Variants in HIVEP1 observed in about 807,000 individuals in gnomAD.
HIVEP1 encodes the protein zinc finger protein 40.
A neutral mutation model predicts 180.0 loss-of-function variants in HIVEP1; 36 were observed. That is an observed-to-expected ratio of 0.20 (90% CI 0.15 to 0.26). The LOEUF (loss-of-function observed/expected upper bound fraction) is 0.26. Among genes scored for constraint, HIVEP1 ranks in the 10% least tolerant of loss-of-function variants. HIVEP1 has a pLI of 1.00. For missense variants in HIVEP1, 3,143 were observed against 3,268.7 expected (o/e 0.96, Z 0.94); for synonymous variants, 1,239 against 1,239.0 (o/e 1.00, Z 0.00).
At chr6:12,011,488 G>C (rs919098806), upstream of HIVEP1, among the ~76,000 whole-genome samples, 899 of 150,280 alleles carry the variant, frequency 6.0e-3, 11 homozygotes, top group African/African-American at 0.02. Context: ...GACTGGCCGG[G>C]CCCGCCCCTC....
At chr6:12,189,565 A>T in the HIVEP1 span, among the ~76,000 whole-genome samples, 3 of 152,282 alleles carry the variant, frequency 2.0e-5, no homozygotes, top group Admixed American at 2.0e-4. Context: ...GTCAACTGGA[A>T]TTTCTGTACA....
chr6:12,031,629 CAG>C (rs1561869485), intron 2 of HIVEP1, among the ~76,000 whole-genome samples: 1 of 152,152 alleles, frequency 6.6e-6, no homozygotes, highest in Non-Finnish European at 1.5e-5. Context: ...CTGGCACTGA[CAG>C]AACTGGGATA....
At position 12,164,511 on chromosome 6, in the gene HIVEP1, C is replaced by T; in HGVS notation, c.*50C>T. ...TTTTTTATATAACACTTAAAGGTTT[C>T]TTTGAAAACCCTCCTTTCCTTAAAG... is the stretch of plus-strand genomic sequence containing the variant. On this transcript the variant is annotated 3_prime_UTR_variant, in exon 9 of 9. Transcript: ENST00000379388. 7.3e-7 allele frequency: 1 copy of T among 1,373,738 alleles called. No homozygotes were observed. The highest frequency in any genetic ancestry group is 9.9e-7 in the Non-Finnish European group (1 of 1,014,264). 85.1% of individuals were successfully genotyped at this position (1,373,738 alleles called of 1,614,324 possible). A position where few individuals can be genotyped will look rare whatever the true frequency, so the allele number is the denominator to read the frequency against.
At chr6:12,207,679 G>A in the HIVEP1 span, among the ~76,000 whole-genome samples, 8 of 150,950 alleles carry the variant, frequency 5.3e-5, no homozygotes, top group Admixed American at 1.3e-4. Context: ...CCAGGGCAAG[G>A]GGCTTACTTT....
At position 12,073,782 on chromosome 6, in the gene HIVEP1, C is replaced by T. The variant is rs75439439; in HGVS notation, c.41-15402C>T. On this transcript the variant is annotated intron_variant, in intron 2 of 8. Transcript: ENST00000379388. ...GAGTAGATATTAAAATCTTGGGGAA[C>T]CTTTGCCATCCAGATTTTCATCATG... Among the ~76,000 whole-genome samples the T allele has an allele frequency of 3.3e-3, 498 of 152,198 alleles. 3 individuals carry two copies. The highest frequency in any genetic ancestry group is 0.017 in the Middle Eastern group (5 of 294).
At chr6:12,062,896 A>T (rs142679279) in intron 2 of HIVEP1, among the ~76,000 whole-genome samples, 32 of 152,308 alleles carry the variant, frequency 2.1e-4, no homozygotes, top group African/African-American at 2.2e-4. Flanking sequence ...CCTGGGATGG[A>T]ATCCCAGCTT....
chr6:12,043,636 G>A (rs1448686690), intron 2 of HIVEP1, among the ~76,000 whole-genome samples: 3 of 152,072 alleles, frequency 2.0e-5, no homozygotes, highest in Admixed American at 6.6e-5. Context: ...CAAAGTGCTG[G>A]GATTACAGGC....
At chr6:12,211,415 G>A in the HIVEP1 span, among the ~76,000 whole-genome samples, 1,282 of 33,216 alleles carry the variant, frequency 0.039, 82 homozygotes, top group East Asian at 0.083. Flanking sequence ...AAAAAAAAAA[G>A]AAAAAGAAAA....
At chr6:12,011,205 G>T (rs1767262273), upstream of HIVEP1, among the ~76,000 whole-genome samples, 1 of 150,200 alleles carries the variant, frequency 6.7e-6, no homozygotes, top group Non-Finnish European at 1.5e-5. Context: ...CAAAGTTAAT[G>T]AGTTTTAAGT....
intron 6 of HIVEP1, 48 bp downstream of exon 6, chr6:12,130,990 G>A (rs1334681380): frequency 3.6e-6 from 5 of 1,399,612 alleles, no homozygotes; most frequent in Non-Finnish European, 3.9e-6. Context: ...GTATTTAGGT[G>A]GGAAAGCTAA....
intron 3 of HIVEP1, among the ~76,000 whole-genome samples, chr6:12,112,099 A>G (rs1336721046): frequency 6.6e-6 from 1 of 152,160 alleles, no homozygotes; most frequent in African/African-American, 2.4e-5. Context: ...AAGACAACGA[A>G]TTCTCTCAGC....
chr6:12,184,097 C>T, the HIVEP1 span, among the ~76,000 whole-genome samples: 334 of 151,766 alleles, frequency 2.2e-3, no homozygotes, highest in Non-Finnish European at 2.7e-3. Context: ...TTTGTCAGAA[C>T]GTAAAAGAGA....
chr6:12,062,929 G>A (rs185986106), intron 2 of HIVEP1, among the ~76,000 whole-genome samples: 98 of 152,330 alleles, frequency 6.4e-4, no homozygotes, highest in Middle Eastern at 6.8e-3. Context: ...CTGAGTGACC[G>A]AAGTTACGCC....
chr6:12,099,384 T>A (rs1674748373), intron 3 of HIVEP1, among the ~76,000 whole-genome samples: 1 of 151,982 alleles, frequency 6.6e-6, no homozygotes. Flanking sequence ...GCCGGGATGG[T>A]CTCGATCTCC....
At chr6:12,131,429 C>CT (rs35625775) in intron 6 of HIVEP1, among the ~76,000 whole-genome samples, 40,333 of 150,858 alleles carry the variant, frequency 0.27, 6,183 homozygotes, top group Non-Finnish European at 0.35. Flanking sequence ...TTTCACAATG[C>CT]TTTTTTTTAC....
chr6:12,108,731 C>G (rs999827789), intron 3 of HIVEP1, among the ~76,000 whole-genome samples: 14 of 152,326 alleles, frequency 9.2e-5, no homozygotes, highest in Middle Eastern at 3.4e-3. Context: ...AGCTGGCCTG[C>G]AAGCGCCGCG....
At chr6:12,162,214 T>G (rs1429169877) in intron 8 of HIVEP1, among the ~76,000 whole-genome samples, 1 of 72,288 alleles carries the variant, frequency 1.4e-5, no homozygotes, top group African/African-American at 5.5e-5. Context: ...TTGAAAAATT[T>G]TTGAAATTAA....
intron 3 of HIVEP1, among the ~76,000 whole-genome samples, chr6:12,115,204 C>G (rs1382626751): frequency 6.6e-6 from 1 of 152,144 alleles, no homozygotes; most frequent in Non-Finnish European, 1.5e-5. Flanking sequence ...TCCTGAAAAA[C>G]AGCTGACAGT....
chr6:12,211,795 T>C, the HIVEP1 span, among the ~76,000 whole-genome samples: 1 of 152,166 alleles, frequency 6.6e-6, no homozygotes, highest in South Asian at 2.1e-4. Flanking sequence ...AGTAAAATGC[T>C]TTCAGGAGTC....
Sources: allele counts gnomAD v4.1 joint callset (sites outside exome capture counted in the v4.1 genomes callset), GRCh38; gene constraint gnomAD v4.1.1; transcripts MANE v1.5; gene names NCBI Gene and HGNC (gene_info 2026-07-23, HGNC 2026-07-21).